Variants in USP53 observed in about 807,000 individuals in gnomAD.
The protein encoded by USP53 is ubiquitin carboxyl-terminal hydrolase 53.
USP53 carries 71 observed loss-of-function variants against 94.9 expected under a neutral mutation model. That is an observed-to-expected ratio of 0.75 (90% CI 0.62 to 0.91). The LOEUF is 0.91. Among genes scored for constraint, USP53 ranks in the 40% least tolerant of loss-of-function variants. The probability of loss-of-function intolerance (pLI) is 0.00; values close to 1 mark genes in which losing one functional copy is unlikely to be tolerated. For synonymous variants in USP53, 375 were observed against 422.7 expected (o/e 0.89, Z 1.39); for missense variants, 1,173 against 1,281.0 (o/e 0.92, Z 1.29).
In USP53 at chr4:119,214,612, TA is replaced by T. The variant is rs35029575; in HGVS notation, c.-789+404del. On this transcript the variant is annotated intron_variant, in intron 2 of 18. Coordinates refer to ENST00000692078, the MANE Select transcript of USP53 (RefSeq NM_001371395.1). ...TTTCCAACTAGTGTATTCTTTTCCT[TA>T]AAAAAAAAAAAAAGAAAAATCACAA... is the stretch of plus-strand genomic sequence containing the variant. 4.7e-3 allele frequency among the ~76,000 whole-genome samples: 664 copies of T among 141,454 alleles called. 2 individuals carry two copies. The highest frequency in any genetic ancestry group is 0.012 in the African/African-American group (453 of 38,392). The allele number at this position is 141,454 out of a possible 152,430, so 92.8% of individuals were successfully genotyped here.
Position 119,271,765 on chromosome 4 carries a change from A to G in USP53, c.1905A>G (p.Gln635=). Residue 635 remains glutamine, a synonymous_variant, in exon 16 of 19, where the codon CAA becomes CAG. Transcript: ENST00000692078. ...ATTGGCCAAAAGAGAATCCAAAGCA[A>G]AAAGGTTTAATGACCATATATGAAG... ...FSNWPKENPK[Q]KGLMTIYEDE... is the part of the protein sequence containing the mutation. 6.2e-7 allele frequency: 1 copy of G among 1,613,928 alleles called. No individual in the cohort carries two copies. Among genetic ancestry groups the G allele is most frequent in the South Asian group, 1.1e-5 (1 of 90,984 alleles).
At chr4:119,224,155 A>G (rs564077890) in intron 3 of USP53, among the ~76,000 whole-genome samples, 1 of 152,166 alleles carries the variant, frequency 6.6e-6, no homozygotes, top group South Asian at 2.1e-4. Flanking sequence ...GTGTGCCACC[A>G]CACCCGGCTG....
rs1747239476 is a variant in USP53 at position 119,239,519 on chromosome 4, C to T, written c.-241C>T. The T allele has an allele frequency of 4.4e-6, 2 of 458,800 alleles. No homozygotes were observed. The highest frequency in any genetic ancestry group is 2.0e-5 in the African/African-American group (1 of 50,550). 28.4% of individuals were successfully genotyped at this position (458,800 alleles called of 1,614,324 possible). A position where few individuals can be genotyped will look rare whatever the true frequency, so the allele number is the denominator to read the frequency against. ...TTAACACATATAAACATCTTTAACG[C>T]CTTGTTTAAAATAGCTTTCTTTTTT... On this transcript the variant is annotated 5_prime_UTR_variant, in exon 5 of 19. Transcript: ENST00000692078.
chr4:119,266,956 A>G (rs899932073), intron 12 of USP53, among the ~76,000 whole-genome samples: 4 of 152,018 alleles, frequency 2.6e-5, no homozygotes, highest in African/African-American at 9.7e-5. Flanking sequence ...TATTTTTCTC[A>G]TGGTAAAAGT....
chr4:119,277,590 G>C (rs1374158683), intron 17 of USP53, among the ~76,000 whole-genome samples: 2 of 119,604 alleles, frequency 1.7e-5, no homozygotes, highest in Non-Finnish European at 3.5e-5. Flanking sequence ...ATTTGGGGTG[G>C]AGAGTTCTGT....
intron 5 of USP53, among the ~76,000 whole-genome samples, chr4:119,243,465 T>C (rs1747818530): frequency 6.6e-6 from 1 of 151,772 alleles, no homozygotes; most frequent in Non-Finnish European, 1.5e-5. Flanking sequence ...ACCATCACAC[T>C]CCAGCTTGGG....
chr4:119,265,367 TTC>T (rs1464468213), intron 12 of USP53, among the ~76,000 whole-genome samples: 1 of 152,236 alleles, frequency 6.6e-6, no homozygotes, highest in Non-Finnish European at 1.5e-5. Context: ...CATTTGCAGC[TTC>T]TACTTTGCTT....
chr4:119,265,443 T>C (rs1750997403), intron 12 of USP53, among the ~76,000 whole-genome samples: 1 of 152,060 alleles, frequency 6.6e-6, no homozygotes, highest in Admixed American at 6.6e-5. Context: ...CCCTGTGAAG[T>C]TTTTTATTTT....
chr4:119,275,814 A>G (rs1024441649), intron 17 of USP53, among the ~76,000 whole-genome samples: 1 of 152,100 alleles, frequency 6.6e-6, no homozygotes, highest in African/African-American at 2.4e-5. Context: ...GGTCCTTCAC[A>G]TCCCTTGTAA....
intron 4 of USP53, 103 bp downstream of exon 4, chr4:119,235,514 G>A (rs1215811786): frequency 1.3e-5 from 2 of 152,134 alleles, no homozygotes; most frequent in Admixed American, 6.6e-5. Flanking sequence ...CTGGTTTCAA[G>A]TGATCTTCCG....
At chr4:119,239,155 G>A (rs1271459260) in intron 4 of USP53, 63 bp from the exon 5 acceptor site, 2 of 151,904 alleles carry the variant, frequency 1.3e-5, no homozygotes, top group Admixed American at 6.6e-5. Context: ...TGTTCAAATG[G>A]TAAAGTTAAG....
Position 119,269,588 on chromosome 4 carries a change from T to C in USP53, c.1289-103T>C, listed in dbSNP as rs997746176. ...ATACTATATATCTACATATCTATGC[T>C]CTTTTTAAATATATCTTAACATTTT... On this transcript the variant is annotated intron_variant, in intron 14 of 18. Transcript: ENST00000692078. The C allele has an allele frequency of 7.8e-6, 6 of 766,286 alleles. No homozygotes were observed. In the African/African-American group the frequency reaches 1.1e-4, roughly 14 times the overall value. 47.5% of individuals were successfully genotyped at this position (766,286 alleles called of 1,614,324 possible).
At chr4:119,214,351 T>C (rs899421031) in intron 2 of USP53, 129 bp downstream of exon 2, 1 of 152,090 alleles carries the variant, frequency 6.6e-6, no homozygotes, top group African/African-American at 2.4e-5. Flanking sequence ...GAAAGTGATT[T>C]ATTAAGATTT....
chr4:119,293,392 T>A lies in USP53; in HGVS notation c.*181T>A. On this transcript the variant is annotated 3_prime_UTR_variant, in exon 19 of 19. Transcript: ENST00000692078. ...GACCAAACCTAGTGATACATAAAAT[T>A]AAAGCCTGTGGCATTTTTAAAGTTG... 1 of 644,268 alleles carries A rather than the reference T, an allele frequency of 1.6e-6. No homozygotes were observed. The highest frequency in any genetic ancestry group is 2.5e-6 in the Non-Finnish European group (1 of 397,928). 39.9% of individuals were successfully genotyped at this position (644,268 alleles called of 1,614,324 possible).
intron 12 of USP53, among the ~76,000 whole-genome samples, chr4:119,262,567 T>C (rs1750640599): frequency 6.6e-6 from 1 of 152,196 alleles, no homozygotes; most frequent in Non-Finnish European, 1.5e-5. Flanking sequence ...AAAGAAAATA[T>C]ATTTACCACT....
In USP53 at chr4:119,239,570, C is replaced by A; in HGVS notation, c.-190C>A. 1.8e-6 allele frequency: 1 copy of A among 564,544 alleles called. No individual in the cohort carries two copies. 35.0% of individuals were successfully genotyped at this position (564,544 alleles called of 1,614,324 possible). A position where few individuals can be genotyped will look rare whatever the true frequency, so the allele number is the denominator to read the frequency against. On this transcript the variant is annotated 5_prime_UTR_variant, in exon 5 of 19. Transcript: ENST00000692078. ...AGTGCTTAGAACTTCAATGTTTATG[C>A]ACCCTATTGTTACTTGTCAGAGTCT...
At chr4:119,226,979 G>C (rs1419174946) in intron 3 of USP53, among the ~76,000 whole-genome samples, 1 of 151,390 alleles carries the variant, frequency 6.6e-6, no homozygotes, top group Non-Finnish European at 1.5e-5. Context: ...GACTATATAG[G>C]CATGTGCCAC....
In USP53 at chr4:119,230,567, T is replaced by C. The variant is rs570365795; in HGVS notation, c.-664-4723T>C. On this transcript the variant is annotated intron_variant, in intron 3 of 18. Transcript: ENST00000692078. ...TACTGGCAGATGCCCTTGTAGCTCT[T>C]GTCTTACCTGTGTTGAGTTTATTCC... is the stretch of plus-strand genomic sequence containing the variant. Among the ~76,000 whole-genome samples, 16 of 152,334 alleles carry C rather than the reference T, an allele frequency of 1.1e-4. No homozygotes were observed. The South Asian group carries it at 3.3e-3, about 32-fold the overall frequency.
chr4:119,248,338 G>A (rs1490211256), intron 6 of USP53, among the ~76,000 whole-genome samples: 1 of 140,074 alleles, frequency 7.1e-6, no homozygotes, highest in Non-Finnish European at 1.5e-5. Context: ...TAATTCTTGT[G>A]TCTGCTAACA....
Sources: allele counts gnomAD v4.1 joint callset (sites outside exome capture counted in the v4.1 genomes callset), GRCh38; gene constraint gnomAD v4.1.1; transcripts MANE v1.5; gene names NCBI Gene and HGNC (gene_info 2026-07-23, HGNC 2026-07-21).